The following CDH18 variants were observed in gnomAD, a reference collection of about 807,000 sequenced individuals.
CDH18 encodes cadherin-18.
A neutral mutation model predicts 67.9 loss-of-function variants in CDH18; 31 were observed. The ratio of observed to expected loss-of-function variants is 0.46; its 90% CI spans 0.34 to 0.62. CDH18 has a LOEUF of 0.62. Among genes scored for constraint, CDH18 ranks in the 20% least tolerant of loss-of-function variants. The pLI is 0.01. For synonymous variants in CDH18, 362 were observed against 347.2 expected (o/e 1.04, Z -0.48); for missense variants, 890 against 975.5 (o/e 0.91, Z 1.17).
intron 2 of CDH18, among the ~76,000 whole-genome samples, chr5:20,209,608 G>A (rs1011921852): frequency 2.0e-5 from 3 of 151,702 alleles, no homozygotes; most frequent in Non-Finnish European, 4.4e-5. Context: ...ATTGGCATAG[G>A]GAGATAAAAA....
intron 1 of CDH18, among the ~76,000 whole-genome samples, chr5:20,285,491 G>A (rs892789566): frequency 7.3e-5 from 11 of 149,744 alleles, no homozygotes; most frequent in African/African-American, 2.7e-4. Flanking sequence ...CCATTGCTTG[G>A]AGGAATAAAA....
intron 1 of CDH18, among the ~76,000 whole-genome samples, chr5:20,296,308 C>T (rs1176493716): frequency 6.6e-6 from 1 of 151,186 alleles, no homozygotes; most frequent in Non-Finnish European, 1.5e-5. Flanking sequence ...GGCTGGAGTG[C>T]AGTGGCGCCA....
intron 2 of CDH18, among the ~76,000 whole-genome samples, chr5:19,862,650 C>A (rs1251308315): frequency 6.6e-6 from 1 of 152,126 alleles, no homozygotes; most frequent in Non-Finnish European, 1.5e-5. Context: ...ACAACAAAAC[C>A]TCAGGGTTAG....
chr5:19,668,898 A>G (rs1322109437), intron 5 of CDH18, among the ~76,000 whole-genome samples: 1 of 151,792 alleles, frequency 6.6e-6, no homozygotes. Flanking sequence ...TCTGTACTAT[A>G]TTATAATTCT....
rs545276997 is a variant in CDH18, at chr5:19,779,656, T to C, written c.229-32420A>G. Among the ~76,000 whole-genome samples, 3 of 152,280 alleles carry C rather than the reference T, an allele frequency of 2.0e-5. No homozygotes were observed. In the East Asian group the frequency reaches 5.8e-4, roughly 29 times the overall value. Reference sequence around the variant, plus strand: ...TTTTCTTAATGTCCTGTACCAAAGTTGCACATCTTACTTACACCAACATCC... The same window carrying C: ...TTTTCTTAATGTCCTGTACCAAAGTCGCACATCTTACTTACACCAACATCC... On this transcript the variant is annotated intron_variant, in intron 3 of 12. Transcript: ENST00000382275.
At chr5:20,362,178 C>T (rs1742142420) in intron 1 of CDH18, among the ~76,000 whole-genome samples, 1 of 152,258 alleles carries the variant, frequency 6.6e-6, no homozygotes, top group African/African-American at 2.4e-5. Context: ...GGTCTAGAGA[C>T]ATAATTCCCT....
chr5:19,636,942 T>G (rs982444942), intron 5 of CDH18, among the ~76,000 whole-genome samples: 14 of 152,140 alleles, frequency 9.2e-5, no homozygotes, highest in African/African-American at 3.4e-4. Context: ...GTGGTTTGAT[T>G]CTTCTCTTTA....
At chr5:20,283,329 A>G (rs1162260214) in intron 1 of CDH18, among the ~76,000 whole-genome samples, 1 of 152,076 alleles carries the variant, frequency 6.6e-6, no homozygotes, top group Non-Finnish European at 1.5e-5. Flanking sequence ...GAATGGGGGA[A>G]AATATTTGCA....
intron 5 of CDH18, among the ~76,000 whole-genome samples, chr5:19,617,236 T>C (rs1749983707): frequency 6.6e-6 from 1 of 152,312 alleles, no homozygotes; most frequent in East Asian, 1.9e-4. Context: ...AATAGGCACA[T>C]AATATACAAA....
chr5:19,918,181 T>C (rs556277011), intron 2 of CDH18, among the ~76,000 whole-genome samples: 3 of 152,322 alleles, frequency 2.0e-5, no homozygotes, highest in African/African-American at 2.4e-5. Context: ...TGTCAAATTA[T>C]GTCAACATCA....
intron 2 of CDH18, among the ~76,000 whole-genome samples, chr5:20,254,681 G>C (rs1394765835): frequency 3.9e-5 from 6 of 152,204 alleles, no homozygotes; most frequent in Non-Finnish European, 7.3e-5. Flanking sequence ...TGTAAATTAT[G>C]TTCAGCCACA....
At chr5:19,848,481 T>C (rs1581630493) in intron 2 of CDH18, among the ~76,000 whole-genome samples, 1 of 152,098 alleles carries the variant, frequency 6.6e-6, no homozygotes, top group Non-Finnish European at 1.5e-5. Context: ...TGAAAGAGAA[T>C]TGGTCCATGT....
intron 2 of CDH18, among the ~76,000 whole-genome samples, chr5:19,922,535 A>T (rs923080370): frequency 3.3e-5 from 5 of 152,184 alleles, no homozygotes; most frequent in African/African-American, 1.2e-4. Context: ...TATATTTTTG[A>T]CATGAAAATC....
intron 1 of CDH18, among the ~76,000 whole-genome samples, chr5:20,556,243 T>G (rs1757900905): frequency 6.6e-6 from 1 of 152,158 alleles, no homozygotes; most frequent in Non-Finnish European, 1.5e-5. Context: ...GGCTATAGGC[T>G]AAAATATGCG....
intron 3 of CDH18, among the ~76,000 whole-genome samples, chr5:19,791,070 AT>A (rs1435062348): frequency 1.3e-5 from 2 of 152,092 alleles, no homozygotes; most frequent in Non-Finnish European, 2.9e-5. Context: ...GTTCAGGTTA[AT>A]TTTGAGATTG....
intron 1 of CDH18, among the ~76,000 whole-genome samples, chr5:20,354,354 A>G (rs1203795216): frequency 6.6e-6 from 1 of 152,216 alleles, no homozygotes; most frequent in African/African-American, 2.4e-5. Flanking sequence ...TATTCACAAT[A>G]AGAAAGCATG....
chr5:20,305,991 TATAC>T (rs1278557346), intron 1 of CDH18: 1 of 154,460 alleles, frequency 6.5e-6, no homozygotes, highest in Non-Finnish European at 1.4e-5. Context: ...GCTGCATATA[TATAC>T]AATTTATCAT....
intron 2 of CDH18, among the ~76,000 whole-genome samples, chr5:20,060,899 A>C (rs1158026452): frequency 1.3e-5 from 2 of 152,080 alleles, no homozygotes; most frequent in African/African-American, 4.8e-5. Flanking sequence ...TATGATTGAC[A>C]CAAATGATAT....
rs895827918 is a variant in CDH18, at chr5:19,944,929, C to T, written c.-257+36131G>A. Among the ~76,000 whole-genome samples the T allele has an allele frequency of 2.0e-5, 3 of 152,080 alleles. No individual in the cohort carries two copies. The East Asian group carries it at 5.8e-4, about 29-fold the overall frequency. On this transcript the variant is annotated intron_variant, in intron 2 of 12. Transcript: ENST00000382275. Reference sequence around the variant, plus strand: ...TTACCATTACATTTGAATTGGGCACCAGGGAGGCCTACAACCTCAAATCAT... The same window carrying T: ...TTACCATTACATTTGAATTGGGCACTAGGGAGGCCTACAACCTCAAATCAT...
Sources: gnomAD v4.1 joint callset for allele counts (sites outside exome capture counted in the v4.1 genomes callset) on GRCh38, gnomAD v4.1.1 for gene constraint, MANE v1.5 for transcripts, NCBI Gene and HGNC (gene_info 2026-07-23, HGNC 2026-07-21) for gene names.